Variants in POFUT1 observed in about 807,000 individuals in gnomAD.
POFUT1 encodes GDP-fucose protein O-fucosyltransferase 1.
A neutral mutation model predicts 42.4 loss-of-function variants in POFUT1; 16 were observed. That is an observed-to-expected ratio of 0.38 (90% CI 0.26 to 0.57). The LOEUF is 0.57. Among genes scored for constraint, POFUT1 ranks in the 20% least tolerant of loss-of-function variants. The probability of loss-of-function intolerance (pLI) is 0.71; values close to 1 mark genes in which losing one functional copy is unlikely to be tolerated. For synonymous variants in POFUT1, 206 were observed against 205.4 expected, an observed-to-expected ratio of 1.00 and a Z score of -0.03; for missense variants, 470 against 504.6, an observed-to-expected ratio of 0.93 and a Z score of 0.66.
chr20:32,207,932 C>G lies in POFUT1; in HGVS notation c.-10C>G, dbSNP rs1194439482. The G allele has an allele frequency of 6.3e-7, 1 of 1,581,086 alleles. No individual in the cohort carries two copies. The highest frequency in any genetic ancestry group is 1.1e-5 in the South Asian group (1 of 88,670). ...TGTGCGCCGCGGCTGGCTCGGGTTCCCGGGCCGACATGGGCGCCGCCGCGT... is the reference window on the plus strand; with the variant it reads ...TGTGCGCCGCGGCTGGCTCGGGTTCGCGGGCCGACATGGGCGCCGCCGCGT... On this transcript the variant is annotated 5_prime_UTR_variant, in exon 1 of 7. Transcript: ENST00000375749.
intron 4 of POFUT1, among the ~76,000 whole-genome samples, chr20:32,225,512 A>G (rs1007413486): frequency 6.8e-6 from 1 of 147,410 alleles, no homozygotes; most frequent in Non-Finnish European, 1.5e-5. Context: ...TTTTTGAGAC[A>G]AGGTCTCACC....
intron 3 of POFUT1, 59 bp from the exon 4 acceptor site, chr20:32,216,550 C>A (rs2047361359): frequency 9.8e-7 from 1 of 1,024,994 alleles, no homozygotes; most frequent in Non-Finnish European, 1.5e-6. Context: ...TTCCCTGGCC[C>A]CATCCCCAAA....
chr20:32,228,052 G>A (rs1409001490), intron 4 of POFUT1, among the ~76,000 whole-genome samples: 1 of 152,140 alleles, frequency 6.6e-6, no homozygotes, highest in African/African-American at 2.4e-5. Context: ...CCATGTGGCG[G>A]GACAGTATTG....
rs2047424863 is a variant in POFUT1 at position 32,228,288 on chromosome 20, C to T, written c.568C>T (p.Leu190Phe). The change falls in exon 5 of 7, where the codon CTT (leucine) becomes TTT (phenylalanine). Residue 190 changes from leucine to phenylalanine, a missense_variant. Physicochemically the swap from Leu to Phe is conservative, Grantham distance 22 (BLOSUM62 0). Transcript: ENST00000375749. ...ATTTTCTCCAAAGGAACATCCGGTG[C>T]TTGCCCTGCCAGGAGCCCCAGCCCA... ...QRFSPKEHPV[L>F]ALPGAPAQFP... is the part of the protein sequence containing the mutation. 1 of 1,613,772 alleles carries T rather than the reference C, an allele frequency of 6.2e-7. No homozygotes were observed. Among genetic ancestry groups the T allele is most frequent in the South Asian group, 1.1e-5 (1 of 91,006 alleles).
At chr20:32,210,737 C>T (rs1292750988) in intron 2 of POFUT1, among the ~76,000 whole-genome samples, 2 of 152,206 alleles carry the variant, frequency 1.3e-5, no homozygotes, top group Non-Finnish European at 2.9e-5. Context: ...CGATGCTCAC[C>T]GGCCCCCAGT....
chr20:32,217,657 T>G (rs2047369471), intron 4 of POFUT1: 4 of 985,714 alleles, frequency 4.1e-6, no homozygotes, highest in Non-Finnish European at 4.8e-6. Context: ...TAGCCAGCGC[T>G]GATGGTATCT....
intron 4 of POFUT1, among the ~76,000 whole-genome samples, chr20:32,224,228 C>T (rs2047403723): frequency 6.6e-6 from 1 of 152,024 alleles, no homozygotes; most frequent in South Asian, 2.1e-4. Context: ...CCCGTCTCTA[C>T]TAAAAATACA....
chr20:32,213,317 G>A (rs147904027), intron 2 of POFUT1, among the ~76,000 whole-genome samples: 1,812 of 152,018 alleles, frequency 0.012, 37 homozygotes, highest in African/African-American at 0.04. Flanking sequence ...TTAGCTGGGC[G>A]TCGTGGCGCC....
rs1473145995 is a variant in POFUT1 at position 32,235,834 on chromosome 20, C to A, written c.*1173C>A. 6.6e-6 allele frequency: 1 copy of A among 152,216 alleles called. No homozygotes were observed. Among genetic ancestry groups the A allele is most frequent in the East Asian group, 1.9e-4 (1 of 5,202 alleles). 9.4% of individuals were successfully genotyped at this position (152,216 alleles called of 1,614,324 possible). Reference sequence around the variant, plus strand: ...TTGTCTGACCCCTGTAGATCTTTTCCTTGCCATGTCACCTCCCTTGGCCTT... The same window carrying A: ...TTGTCTGACCCCTGTAGATCTTTTCATTGCCATGTCACCTCCCTTGGCCTT... On this transcript the variant is annotated 3_prime_UTR_variant, in exon 7 of 7. Transcript: ENST00000375749.
intron 4 of POFUT1, chr20:32,222,792 A>T (rs1454991429): frequency 1.0e-6 from 1 of 985,034 alleles, no homozygotes; most frequent in African/African-American, 1.7e-5. Context: ...CTGCACATTG[A>T]CTATTGGAAG....
chr20:32,214,371 T>C (rs6089216), intron 2 of POFUT1, among the ~76,000 whole-genome samples: 45,134 of 151,938 alleles, frequency 0.3, 10,022 homozygotes, highest in African/African-American at 0.62. Context: ...GTGATCCTTC[T>C]ACCTCGGCCT....
At chr20:32,213,896 C>T (rs764115487) in intron 2 of POFUT1, among the ~76,000 whole-genome samples, 9 of 152,154 alleles carry the variant, frequency 5.9e-5, no homozygotes, top group Non-Finnish European at 1.2e-4. Context: ...AGAAATAAAG[C>T]GTTACAGATA....
chr20:32,217,832 A>T, intron 4 of POFUT1: 2 of 761,976 alleles, frequency 2.6e-6, no homozygotes, highest in Non-Finnish European at 3.2e-6. Context: ...GAGCCCAGTG[A>T]AGTTAAATAA....
At chr20:32,222,473 G>C (rs6141639) in intron 4 of POFUT1, among the ~76,000 whole-genome samples, 1 of 151,918 alleles carries the variant, frequency 6.6e-6, no homozygotes, top group South Asian at 2.1e-4. Context: ...AGCCTTCCCG[G>C]AAGTCCATTA....
intron 6 of POFUT1, among the ~76,000 whole-genome samples, chr20:32,233,131 C>G (rs1306294703): frequency 6.6e-6 from 1 of 152,238 alleles, no homozygotes; most frequent in African/African-American, 2.4e-5. Context: ...CAAACCAACA[C>G]AGCTCTAGCC....
Position 32,211,337 on chromosome 20 carries a change from G to A in POFUT1, c.246+1145G>A, listed in dbSNP as rs547149569. On this transcript the variant is annotated intron_variant, in intron 2 of 6. Transcript: ENST00000375749. ...TTGCCAGGCTGGAGTGCAGTGGCACGATCTCAGCTCACTGCAACTTCTGCC... is the reference window on the plus strand; with the variant it reads ...TTGCCAGGCTGGAGTGCAGTGGCACAATCTCAGCTCACTGCAACTTCTGCC... 2.6e-5 allele frequency among the ~76,000 whole-genome samples: 4 copies of A among 150,968 alleles called. 1 individual carries two copies. The highest frequency in any genetic ancestry group is 4.2e-4 in the South Asian group (2 of 4,774).
intron 4 of POFUT1, among the ~76,000 whole-genome samples, chr20:32,219,226 G>A (rs1348506493): frequency 2.0e-5 from 3 of 152,220 alleles, no homozygotes; most frequent in African/African-American, 4.8e-5. Flanking sequence ...ACATAGGATA[G>A]TTCCAGAGTG....
At position 32,237,950 on chromosome 20, in the gene POFUT1, G is replaced by T; in HGVS notation, c.*3289G>T. The stretch of plus-strand genomic sequence containing the variant: ...TTTCAAAGATACAAATATTTACATA[G>T]TTTTAATCATGTAATATATACAATT... On this transcript the variant is annotated 3_prime_UTR_variant, in exon 7 of 7. Transcript: ENST00000375749. 2.3e-6 allele frequency: 1 copy of T among 431,212 alleles called. No homozygotes were observed. The allele number at this position is 431,212 out of a possible 1,614,324, so 26.7% of individuals were successfully genotyped here. A position where few individuals can be genotyped will look rare whatever the true frequency, so the allele number is the denominator to read the frequency against.
chr20:32,213,238 A>C (rs1199256822), intron 2 of POFUT1, among the ~76,000 whole-genome samples: 1 of 152,036 alleles, frequency 6.6e-6, no homozygotes, highest in African/African-American at 2.4e-5. Flanking sequence ...GAGGCGGGCA[A>C]ATCACTTGAG....
Sources: allele counts gnomAD v4.1 joint callset (sites outside exome capture counted in the v4.1 genomes callset), GRCh38; gene constraint gnomAD v4.1.1; transcripts MANE v1.5; gene names NCBI Gene and HGNC (gene_info 2026-07-23, HGNC 2026-07-21).